BORCS7: variants seen among roughly 807,000 people sequenced by gnomAD.
BORCS7 encodes BLOC-1 related complex subunit 7.
In BORCS7, 20 loss-of-function variants were observed where a neutral mutation model predicts 17.5. The ratio of observed to expected loss-of-function variants is 1.14; its 90% CI spans 0.80 to 1.66. BORCS7 has a LOEUF of 1.66. BORCS7 is among the 40% of genes most tolerant of loss of function. BORCS7 has a pLI of 0.00. For synonymous variants in BORCS7, 57 were observed against 49.8 expected (o/e 1.14, Z -0.61); for missense variants, 122 against 129.7 (o/e 0.94, Z 0.29).
Position 102,863,986 on chromosome 10 carries a change from T to C in BORCS7, c.*1062T>C, listed in dbSNP as rs1844559141. ...TATTATGAGTGATTGTGGCAGAGGT[T>C]TGTGCCATGGTGAAAACTTTGATGT... is the stretch of plus-strand genomic sequence containing the variant. On this transcript the variant is annotated 3_prime_UTR_variant, in exon 5 of 5. Coordinates refer to ENST00000339834, the MANE Select transcript of BORCS7 (RefSeq NM_001136200.2). 6.6e-6 allele frequency: 1 copy of C among 152,368 alleles called. No individual in the cohort carries two copies. The highest frequency in any genetic ancestry group is 2.1e-4 in the South Asian group (1 of 4,830). The allele number at this position is 152,368 out of a possible 1,614,324, so 9.4% of individuals were successfully genotyped here.
Position 102,854,266 on chromosome 10 carries a change from CGCAACCGTTCG to C in BORCS7, c.-20_-10del, listed in dbSNP as rs1424991871. 5 of 1,602,620 alleles carry C rather than the reference CGCAACCGTTCG, an allele frequency of 3.1e-6. No individual in the cohort carries two copies. In the African/African-American group the frequency reaches 6.7e-5, roughly 21 times the overall value. On this transcript the variant is annotated 5_prime_UTR_variant, in exon 1 of 5. Transcript: ENST00000339834. ...CCCCGGCGACTCACCATCGTCAGTG[CGCAACCGTTCG>C]CTAACTGAAATGATGGCGACTGGAA...
chr10:102,862,689 C>T (rs535612853), intron 4 of BORCS7, among the ~76,000 whole-genome samples, 184 bp from the exon 5 acceptor site: 8 of 152,262 alleles, frequency 5.3e-5, no homozygotes, highest in Admixed American at 5.2e-4. Flanking sequence ...TGGCTCATGC[C>T]TGTAATTGCA....
chr10:102,855,139 A>G lies in BORCS7; in HGVS notation c.141+712A>G, dbSNP rs1022948126. Reference sequence around the variant, plus strand: ...AATTCATGAAGTCTTTAGAATGACTAATTGAAGGAAGTACTTTTCCTTTTT... The same window carrying G: ...AATTCATGAAGTCTTTAGAATGACTGATTGAAGGAAGTACTTTTCCTTTTT... On this transcript the variant is annotated intron_variant, in intron 1 of 4. Coordinates refer to ENST00000339834, the MANE Select transcript of BORCS7 (RefSeq NM_001136200.2). Among the ~76,000 whole-genome samples, 8 of 150,620 alleles carry G rather than the reference A, an allele frequency of 5.3e-5. No individual in the cohort carries two copies. The East Asian group carries it at 1.5e-3, about 29-fold the overall frequency.
rs558068741 is a variant in BORCS7 at position 102,857,070 on chromosome 10, A to T, written c.141+2643A>T. ...TTTTTCTCTAGAATTACACACAAAG[A>T]TGAATTCTAAACCCTAACTTTTAAG... On this transcript the variant is annotated intron_variant, in intron 1 of 4. Transcript: ENST00000339834. Among the ~76,000 whole-genome samples the T allele has an allele frequency of 4.6e-5, 7 of 152,258 alleles. No homozygotes were observed. In the South Asian group the frequency reaches 1.2e-3, roughly 27 times the overall value.
chr10:102,854,760 A>G (rs1337336465), intron 1 of BORCS7, among the ~76,000 whole-genome samples: 2 of 151,866 alleles, frequency 1.3e-5, no homozygotes, highest in African/African-American at 2.4e-5. Flanking sequence ...CTAAAAAATA[A>G]TAATTAAAAA....
intron 1 of BORCS7, among the ~76,000 whole-genome samples, chr10:102,855,728 A>G (rs960514620): frequency 2.6e-5 from 4 of 152,156 alleles, no homozygotes; most frequent in Non-Finnish European, 5.9e-5. Context: ...CTGGGAATAG[A>G]GAGTGATGAA....
intron 4 of BORCS7, among the ~76,000 whole-genome samples, 160 bp from the exon 5 acceptor site, chr10:102,862,713 C>T (rs985870913): frequency 3.3e-5 from 5 of 152,100 alleles, no homozygotes; most frequent in Admixed American, 2.0e-4. Context: ...CTTTGGAAGG[C>T]TGAGGCTGGA....
rs1844569466 is a variant in BORCS7, at chr10:102,864,853, G to A, written c.*1929G>A. 6.6e-6 allele frequency: 1 copy of A among 152,078 alleles called. No individual in the cohort carries two copies. Among genetic ancestry groups the A allele is most frequent in the Non-Finnish European group, 1.5e-5 (1 of 68,002 alleles). 9.4% of individuals were successfully genotyped at this position (152,078 alleles called of 1,614,324 possible). A position where few individuals can be genotyped will look rare whatever the true frequency, so the allele number is the denominator to read the frequency against. ...ATAACGTCTAAGTTGTAGAGGTTGTGCCGGAAGATAATATTTTTAAAATAA... is the reference window on the plus strand; with the variant it reads ...ATAACGTCTAAGTTGTAGAGGTTGTACCGGAAGATAATATTTTTAAAATAA... On this transcript the variant is annotated 3_prime_UTR_variant, in exon 5 of 5. Transcript: ENST00000339834.
intron 1 of BORCS7, among the ~76,000 whole-genome samples, chr10:102,857,169 C>A (rs17115166): frequency 0.013 from 2,022 of 152,272 alleles, 42 homozygotes; most frequent in African/African-American, 0.046. Flanking sequence ...GACACTCCTG[C>A]CCCACTACAT....
chr10:102,859,366 C>G (rs1844479848), intron 1 of BORCS7, among the ~76,000 whole-genome samples: 1 of 151,758 alleles, frequency 6.6e-6, no homozygotes, highest in Non-Finnish European at 1.5e-5. Flanking sequence ...TCTTGAACTC[C>G]TGATCTCAGG....
At position 102,862,938 on chromosome 10, in the gene BORCS7, A is replaced by T; in HGVS notation, c.*14A>T. Reference sequence around the variant, plus strand: ...CTGTTGAAATAGAATGACATGTAAGAGTGCTGTAGGACTCCTTTGCCTAAT... The same window carrying T: ...CTGTTGAAATAGAATGACATGTAAGTGTGCTGTAGGACTCCTTTGCCTAAT... On this transcript the variant is annotated 3_prime_UTR_variant, in exon 5 of 5. Transcript: ENST00000339834. The T allele has an allele frequency of 6.2e-7, 1 of 1,600,234 alleles. No homozygotes were observed. Among genetic ancestry groups the T allele is most frequent in the Non-Finnish European group, 8.6e-7 (1 of 1,167,346 alleles).
chr10:102,860,186 T>C lies in BORCS7; in HGVS notation c.142-146T>C, dbSNP rs1001327257. ...ATTTTCAACATGAACAAATAGAAAA[T>C]TATCCTTCATTACATTTTGAGTGTT... On this transcript the variant is annotated intron_variant, in intron 1 of 4. Coordinates refer to ENST00000339834, the MANE Select transcript of BORCS7 (RefSeq NM_001136200.2). 7.3e-6 allele frequency: 5 copies of C among 685,032 alleles called. No homozygotes were observed. In the African/African-American group the frequency reaches 9.1e-5, roughly 12 times the overall value. 42.4% of individuals were successfully genotyped at this position (685,032 alleles called of 1,614,324 possible). A position where few individuals can be genotyped will look rare whatever the true frequency, so the allele number is the denominator to read the frequency against.
intron 1 of BORCS7, among the ~76,000 whole-genome samples, chr10:102,859,592 G>T (rs1844484957): frequency 6.7e-6 from 1 of 148,628 alleles, no homozygotes; most frequent in Non-Finnish European, 1.5e-5. Flanking sequence ...TTGAGACAGG[G>T]TCTTGCTTTG....
At chr10:102,856,235 T>A (rs1206068177) in intron 1 of BORCS7, among the ~76,000 whole-genome samples, 3 of 151,988 alleles carry the variant, frequency 2.0e-5, no homozygotes, top group Non-Finnish European at 2.9e-5. Context: ...TTAGTGAGGG[T>A]CCATTGTGTT....
intron 1 of BORCS7, among the ~76,000 whole-genome samples, chr10:102,854,922 ATG>A (rs1844399829): frequency 6.8e-6 from 1 of 147,294 alleles, no homozygotes; most frequent in Admixed American, 6.9e-5. Flanking sequence ...ATTATATATA[ATG>A]TGTATGTATA....
At chr10:102,858,190 TAGAGAGAG>T (rs531916354) in intron 1 of BORCS7, among the ~76,000 whole-genome samples, 1 of 135,016 alleles carries the variant, frequency 7.4e-6, no homozygotes, top group Non-Finnish European at 1.6e-5. Flanking sequence ...TATATATATA[TAGAGAGAG>T]AGAGCGAGCG....
chr10:102,860,776 G>A, intron 3 of BORCS7: 2 of 600,220 alleles, frequency 3.3e-6, no homozygotes, highest in Non-Finnish European at 5.9e-6. Context: ...GTTAAATTGA[G>A]GGCTCCTCAG....
Position 102,863,355 on chromosome 10 carries a change from AAAAAG to A in BORCS7, c.*437_*441del, listed in dbSNP as rs1844551019. 1 of 154,682 alleles carries A rather than the reference AAAAAG, an allele frequency of 6.5e-6. No homozygotes were observed. Among genetic ancestry groups the A allele is most frequent in the African/African-American group, 2.4e-5 (1 of 41,466 alleles). 9.6% of individuals were successfully genotyped at this position (154,682 alleles called of 1,614,324 possible). A position where few individuals can be genotyped will look rare whatever the true frequency, so the allele number is the denominator to read the frequency against. On this transcript the variant is annotated 3_prime_UTR_variant, in exon 5 of 5. Transcript: ENST00000339834. Reference sequence around the variant, plus strand: ...ATCTCCAAAAAAAAAAAAAGAAAAAAAAAAGAAAAGTTCTGTGTTGATGTACAGTT... The same window carrying A: ...ATCTCCAAAAAAAAAAAAAGAAAAAAAAAAGTTCTGTGTTGATGTACAGTT...
In BORCS7 at chr10:102,863,107, G is replaced by T; in HGVS notation, c.*183G>T. On this transcript the variant is annotated 3_prime_UTR_variant, in exon 5 of 5. Transcript: ENST00000339834. ...TCCCAGCACTTTGGGAGGCCGAGGC[G>T]GGTGGATCACGAGGTCAGGAGTTCG... is the stretch of plus-strand genomic sequence containing the variant. 4.0e-6 allele frequency: 2 copies of T among 504,886 alleles called. No homozygotes were observed. The highest frequency in any genetic ancestry group is 4.7e-5 in the South Asian group (2 of 42,974). The allele number at this position is 504,886 out of a possible 1,614,324, so 31.3% of individuals were successfully genotyped here.
Sources: allele counts gnomAD v4.1 joint callset (sites outside exome capture counted in the v4.1 genomes callset), GRCh38; gene constraint gnomAD v4.1.1; transcripts MANE v1.5; gene names NCBI Gene and HGNC (gene_info 2026-07-23, HGNC 2026-07-21).